The following FOXN3 variants were observed in gnomAD, a reference collection of about 807,000 sequenced individuals.
The protein encoded by FOXN3 is forkhead box N3.
A neutral mutation model predicts 38.4 loss-of-function variants in FOXN3; 7 were observed. The ratio of observed to expected loss-of-function variants is 0.18; its 90% CI spans 0.10 to 0.34. The LOEUF is 0.34. Ranked by LOEUF, FOXN3 falls within the 10% of genes least tolerant of loss-of-function variation. FOXN3 has a pLI of 1.00. For missense variants in FOXN3, 456 were observed against 613.4 expected (o/e 0.74, Z 2.71); for synonymous variants, 230 against 242.2 (o/e 0.95, Z 0.47).
chr14:89,562,321 C>T (rs769303874), intron 1 of FOXN3, among the ~76,000 whole-genome samples: 1 of 152,034 alleles, frequency 6.6e-6, no homozygotes, highest in Non-Finnish European at 1.5e-5. Context: ...AGTACAGTGG[C>T]GCGATCTTGA....
intron 1 of FOXN3, among the ~76,000 whole-genome samples, chr14:89,583,096 T>C (rs925034118): frequency 2.0e-5 from 3 of 152,260 alleles, no homozygotes; most frequent in African/African-American, 7.2e-5. Context: ...TGTGTGAATG[T>C]ACGCTTTCAT....
chr14:89,288,756 ATATATATATATATG>A (rs1320947060), intron 3 of FOXN3, among the ~76,000 whole-genome samples: 47 of 83,898 alleles, frequency 5.6e-4, no homozygotes, highest in African/African-American at 1.8e-3. Flanking sequence ...ATATATATAT[ATATATATATATATG>A]CTTGCACTGG....
intron 4 of FOXN3, among the ~76,000 whole-genome samples, chr14:89,240,425 G>A (rs1885105859): frequency 6.6e-6 from 1 of 152,202 alleles, no homozygotes; most frequent in Non-Finnish European, 1.5e-5. Context: ...GATACATGCA[G>A]GAGTATTCAC....
intron 1 of FOXN3, among the ~76,000 whole-genome samples, chr14:89,605,095 T>G (rs1896242536): frequency 6.6e-6 from 1 of 151,940 alleles, no homozygotes; most frequent in African/African-American, 2.4e-5. Context: ...AAGCAAAAAA[T>G]GTAGTAAACA....
intron 1 of FOXN3, among the ~76,000 whole-genome samples, chr14:89,560,032 T>C (rs181598336): frequency 2.6e-5 from 4 of 152,318 alleles, no homozygotes; most frequent in Non-Finnish European, 4.4e-5. Flanking sequence ...CTGACTCAGT[T>C]TGACAGGCTG....
chr14:89,289,227 A>G (rs1049185612), intron 3 of FOXN3, among the ~76,000 whole-genome samples: 1 of 150,960 alleles, frequency 6.6e-6, no homozygotes, highest in Non-Finnish European at 1.5e-5. Context: ...AAGAAAAAGC[A>G]TGTATTAGCA....
In FOXN3 at chr14:89,440,822, C is replaced by T. The variant is rs145344455; in HGVS notation, c.-14-28332G>A. ...ATGAAAAGTACACTGCAAAGCAGTGCGTTCAACCCCTGTCAACCTGTCAAT... is the reference window on the plus strand; with the variant it reads ...ATGAAAAGTACACTGCAAAGCAGTGTGTTCAACCCCTGTCAACCTGTCAAT... On this transcript the variant is annotated intron_variant, in intron 1 of 6. Transcript: ENST00000345097. Among the ~76,000 whole-genome samples the T allele has an allele frequency of 4.2e-4, 64 of 152,332 alleles. 2 individuals carry two copies. In the South Asian group the frequency reaches 5.8e-3, roughly 14 times the overall value.
At position 89,156,708 on chromosome 14, in the gene FOXN3, G is replaced by A. The variant is rs1596071147; in HGVS notation, c.*5706C>T. 1 of 151,556 alleles carries A rather than the reference G, an allele frequency of 6.6e-6. No homozygotes were observed. Among genetic ancestry groups the A allele is most frequent in the African/African-American group, 2.4e-5 (1 of 41,164 alleles). 9.4% of individuals were successfully genotyped at this position (151,556 alleles called of 1,614,324 possible). A position where few individuals can be genotyped will look rare whatever the true frequency, so the allele number is the denominator to read the frequency against. ...AATCAGAGTATTAAAAAATGTACAAGTGTATATGCTTCCCAGACACACATG... is the reference window on the plus strand; with the variant it reads ...AATCAGAGTATTAAAAAATGTACAAATGTATATGCTTCCCAGACACACATG... On this transcript the variant is annotated 3_prime_UTR_variant, in exon 6 of 6. Transcript: ENST00000557258.
At chr14:89,254,787 GAA>G (rs1240527584) in intron 4 of FOXN3, among the ~76,000 whole-genome samples, 4 of 152,218 alleles carry the variant, frequency 2.6e-5, no homozygotes, top group Non-Finnish European at 4.4e-5. Flanking sequence ...GGGGGCCTGA[GAA>G]GAGATACTAG....
At chr14:89,349,543 G>C (rs560346981) in intron 3 of FOXN3, 1 of 152,692 alleles carries the variant, frequency 6.5e-6, no homozygotes, top group East Asian at 1.9e-4. Flanking sequence ...CACCTGTCTC[G>C]GCTACGCGTT....
At chr14:89,451,647 G>A (rs1440376832) in intron 1 of FOXN3, among the ~76,000 whole-genome samples, 2 of 152,116 alleles carry the variant, frequency 1.3e-5, no homozygotes, top group African/African-American at 4.8e-5. Context: ...GTAGCTGGAG[G>A]GTGACAGCCC....
chr14:89,533,601 G>A (rs1894619979), intron 1 of FOXN3, among the ~76,000 whole-genome samples: 1 of 146,124 alleles, frequency 6.8e-6, no homozygotes, highest in Non-Finnish European at 1.5e-5. Flanking sequence ...GGCGGAGCTT[G>A]CAGTGAGCGG....
intron 4 of FOXN3, among the ~76,000 whole-genome samples, chr14:89,275,288 G>A (rs1053859600): frequency 6.6e-6 from 1 of 152,124 alleles, no homozygotes; most frequent in African/African-American, 2.4e-5. Flanking sequence ...ACCCGCAGCA[G>A]ACACAGCTGG....
intron 2 of FOXN3, among the ~76,000 whole-genome samples, chr14:89,393,820 A>G (rs1891025248): frequency 6.6e-6 from 1 of 152,234 alleles, no homozygotes; most frequent in African/African-American, 2.4e-5. Flanking sequence ...GTAGAGGAGA[A>G]AGAGCCCAGA....
intron 3 of FOXN3, among the ~76,000 whole-genome samples, chr14:89,347,261 G>C (rs746346471): frequency 6.6e-6 from 1 of 152,202 alleles, no homozygotes; most frequent in Non-Finnish European, 1.5e-5. Flanking sequence ...AATACGACCA[G>C]TGTGTCCTTA....
At chr14:89,382,391 C>T (rs1250767183) in intron 2 of FOXN3, among the ~76,000 whole-genome samples, 1 of 152,194 alleles carries the variant, frequency 6.6e-6, no homozygotes, top group Non-Finnish European at 1.5e-5. Flanking sequence ...CACAAAACAC[C>T]CTCACTTCCA....
intron 4 of FOXN3, 109 bp from the exon 5 acceptor site, chr14:89,180,915 G>GGCAGAGAACATGCATGGA (rs140257053): frequency 0.79 from 550,855 of 694,096 alleles, 222,203 homozygotes; most frequent in African/African-American, 0.87. Context: ...AGAGACAGAG[G>GGCAGAGAACATGCATGGA]GCAGAGACAG....
intron 2 of FOXN3, among the ~76,000 whole-genome samples, chr14:89,362,671 T>A (rs61984664): frequency 0.022 from 7 of 316 alleles, 2 homozygotes; most frequent in Admixed American, 0.11. Context: ...CACCACCACC[T>A]CCACCACCAT....
intron 3 of FOXN3, among the ~76,000 whole-genome samples, chr14:89,300,247 A>T (rs1887176867): frequency 7.1e-6 from 1 of 140,352 alleles, no homozygotes; most frequent in South Asian, 2.2e-4. Flanking sequence ...CAATGGCATG[A>T]TCTTGGCTCA....
Sources: allele counts gnomAD v4.1 joint callset (sites outside exome capture counted in the v4.1 genomes callset), GRCh38; gene constraint gnomAD v4.1.1; transcripts MANE v1.5; gene names NCBI Gene and HGNC (gene_info 2026-07-23, HGNC 2026-07-21).